The following PLA2G5 variants were observed in gnomAD, a reference collection of about 807,000 sequenced individuals.
The protein encoded by PLA2G5 is phospholipase A2 group V, also known as Ca2+-dependent phospholipase A2.
A neutral mutation model predicts 15.9 loss-of-function variants in PLA2G5; 12 were observed. That is an observed-to-expected ratio of 0.76 (90% confidence interval 0.48 to 1.23). The LOEUF (loss-of-function observed/expected upper bound fraction) is 1.23. Ranked by LOEUF, PLA2G5 falls within the 50% of genes most tolerant of loss-of-function variation. The pLI is 0.00. For synonymous variants in PLA2G5, 71 were observed against 71.4 expected, an observed-to-expected ratio of 0.99 and a Z score of 0.03; for missense variants, 169 against 177.1, an observed-to-expected ratio of 0.95 and a Z score of 0.26.
At chr1:20,031,534 A>G (rs1479648625) in intron 1 of PLA2G5, among the ~76,000 whole-genome samples, 2 of 152,126 alleles carry the variant, frequency 1.3e-5, no homozygotes, top group African/African-American at 4.8e-5. Flanking sequence ...ATCTGAAACA[A>G]TGTACCAGAT....
intron 1 of PLA2G5, among the ~76,000 whole-genome samples, chr1:20,029,980 G>C (rs958814896): frequency 2.0e-5 from 3 of 152,210 alleles, no homozygotes; most frequent in African/African-American, 7.2e-5. Context: ...TTGAATCCTG[G>C]ATAAAGTTTT....
intron 1 of PLA2G5, among the ~76,000 whole-genome samples, chr1:20,039,003 A>G (rs1221417899): frequency 6.6e-6 from 1 of 152,134 alleles, no homozygotes; most frequent in African/African-American, 2.4e-5. Context: ...TGTGGGTTCC[A>G]GGTGTAGGTG....
chr1:20,042,372 C>T lies in PLA2G5; in HGVS notation n.276+13663C>T, dbSNP rs112118427. ...GTCAGGTGGATCAGAGAGATACAGC[C>T]GTGGGGGTCAGGTGTGGTATTAGGA... On this transcript the variant is annotated intron_variant and non_coding_transcript_variant, in intron 1 of 6. Transcript: ENST00000460175. Among the ~76,000 whole-genome samples, 1,380 of 152,112 alleles carry T rather than the reference C, an allele frequency of 9.1e-3. 9 individuals carry two copies. The highest frequency in any genetic ancestry group is 0.015 in the Non-Finnish European group (995 of 67,980).
At chr1:20,044,938 A>G (rs1774141) in intron 1 of PLA2G5, among the ~76,000 whole-genome samples, 128,922 of 151,916 alleles carry the variant, frequency 0.85, 55,125 homozygotes, top group East Asian at 0.93. Context: ...GGGATGGGTC[A>G]CATTGGGAAC....
rs11573220 is a variant in PLA2G5 at position 20,076,568 on chromosome 1, G to A, written c.-11+6103G>A. On this transcript the variant is annotated intron_variant, in intron 1 of 4. Coordinates refer to ENST00000375108, the MANE Select transcript of PLA2G5 (RefSeq NM_000929.3). Reference sequence around the variant, plus strand: ...TACTAACTGTGTGACCTTGGATGAGGTACCTAACATCTGCCCCTCTGTTTC... The same window carrying A: ...TACTAACTGTGTGACCTTGGATGAGATACCTAACATCTGCCCCTCTGTTTC... 2.4e-3 allele frequency among the ~76,000 whole-genome samples: 349 copies of A among 144,128 alleles called. 2 individuals carry two copies. The highest frequency in any genetic ancestry group is 8.5e-3 in the African/African-American group (329 of 38,872). The allele number at this position is 144,128 out of a possible 152,430, so 94.6% of individuals were successfully genotyped here.
chr1:20,049,295 A>G (rs1056156124), intron 1 of PLA2G5, among the ~76,000 whole-genome samples: 8 of 152,282 alleles, frequency 5.3e-5, no homozygotes, highest in Middle Eastern at 3.4e-3. Flanking sequence ...TTACACGATC[A>G]AGTTGTCTAT....
In PLA2G5 at chr1:20,083,638, A is replaced by T. The variant is rs553324952; in HGVS notation, c.-10-1183A>T. On this transcript the variant is annotated intron_variant, in intron 1 of 4. Coordinates refer to ENST00000375108, the MANE Select transcript of PLA2G5 (RefSeq NM_000929.3). Reference sequence around the variant, plus strand: ...CAATGGCTGTTTTTACCAAAGACAGATTCTAAGGAGTGAAGCCAAGGGCTC... The same window carrying T: ...CAATGGCTGTTTTTACCAAAGACAGTTTCTAAGGAGTGAAGCCAAGGGCTC... Among the ~76,000 whole-genome samples the T allele has an allele frequency of 3.4e-4, 52 of 152,040 alleles. 5 individuals carry two copies. The highest frequency in any genetic ancestry group is 1.2e-3 in the African/African-American group (49 of 41,288).
Position 20,086,066 on chromosome 1 carries a change from C to T in PLA2G5, c.41-17C>T, listed in dbSNP as rs764749671. The T allele has an allele frequency of 4.3e-6, 7 of 1,613,580 alleles. No individual in the cohort carries two copies. In the East Asian group the frequency reaches 1.3e-4, roughly 31 times the overall value. ...GGGCTGCCTGGGTGTCACCTGGGGACATGGGCTATCTTCCAGGTGTGCCTG... is the reference window on the plus strand; with the variant it reads ...GGGCTGCCTGGGTGTCACCTGGGGATATGGGCTATCTTCCAGGTGTGCCTG... On this transcript the variant is annotated splice_polypyrimidine_tract_variant and intron_variant, in intron 2 of 4. Transcript: ENST00000375108.
chr1:20,031,442 T>A (rs1569606945), intron 1 of PLA2G5, among the ~76,000 whole-genome samples: 1 of 152,238 alleles, frequency 6.6e-6, no homozygotes, highest in Non-Finnish European at 1.5e-5. Flanking sequence ...TTTTGGAAGA[T>A]ACCCTGCAGC....
At chr1:20,044,367 T>C (rs1774142) in intron 1 of PLA2G5, among the ~76,000 whole-genome samples, 67,122 of 141,866 alleles carry the variant, frequency 0.47, 16,012 homozygotes, top group Non-Finnish European at 0.59. Flanking sequence ...TAATTCCTGT[T>C]GTGGGGGGGG....
intron 1 of PLA2G5, among the ~76,000 whole-genome samples, chr1:20,049,437 A>AT (rs34773708): frequency 0.11 from 16,900 of 152,004 alleles, 1,669 homozygotes; most frequent in African/African-American, 0.27. Context: ...AGAGCTTTTA[A>AT]TTTTTTTTAA....
intron 1 of PLA2G5, among the ~76,000 whole-genome samples, chr1:20,081,769 T>C (rs2016041957): frequency 1.3e-5 from 2 of 151,826 alleles, no homozygotes; most frequent in African/African-American, 4.9e-5. Flanking sequence ...AGGTCTTGCC[T>C]CCTCAGAAGA....
intron 1 of PLA2G5, among the ~76,000 whole-genome samples, chr1:20,074,286 C>T (rs909692466): frequency 6.6e-6 from 1 of 152,152 alleles, no homozygotes; most frequent in Admixed American, 6.5e-5. Context: ...CTGGTCATTG[C>T]TCTTGTAACA....
At chr1:20,037,738 A>C (rs1057432383) in intron 1 of PLA2G5, among the ~76,000 whole-genome samples, 6 of 151,972 alleles carry the variant, frequency 3.9e-5, no homozygotes, top group African/African-American at 1.5e-4. Flanking sequence ...AGTATGGGGG[A>C]ATACAAGTTT....
Position 20,084,887 on chromosome 1 carries a change from T to C in PLA2G5, c.40+17T>C. ...TGGCTTGTAGTAAGTGCTGGCCCCG[T>C]GACCTTCGAATGAACTTTTACCCCA... On this transcript the variant is annotated intron_variant, in intron 2 of 4. Coordinates refer to ENST00000375108, the MANE Select transcript of PLA2G5 (RefSeq NM_000929.3). 2 of 1,585,222 alleles carry C rather than the reference T, an allele frequency of 1.3e-6. No individual in the cohort carries two copies. Among genetic ancestry groups the C allele is most frequent in the African/African-American group, 1.3e-5 (1 of 74,538 alleles).
intron 3 of PLA2G5, among the ~76,000 whole-genome samples, chr1:20,089,302 A>G (rs547483646): frequency 5.9e-5 from 9 of 152,274 alleles, no homozygotes; most frequent in Admixed American, 5.9e-4. Flanking sequence ...GTGATACGAG[A>G]AGTTTATTTC....
intron 2 of PLA2G5, among the ~76,000 whole-genome samples, chr1:20,063,167 C>A (rs1182220048): frequency 2.6e-5 from 4 of 152,056 alleles, no homozygotes; most frequent in Non-Finnish European, 5.9e-5. Context: ...TACTCTAGCC[C>A]AGGCAACAGA....
intron 1 of PLA2G5, among the ~76,000 whole-genome samples, chr1:20,031,344 A>G (rs2012925452): frequency 1.3e-5 from 2 of 152,190 alleles, no homozygotes; most frequent in South Asian, 4.1e-4. Flanking sequence ...TATGAAGTTG[A>G]CAAAGGGGGC....
At chr1:20,040,603 CACAA>C (rs1323320038) in intron 1 of PLA2G5, among the ~76,000 whole-genome samples, 1 of 144,466 alleles carries the variant, frequency 6.9e-6, no homozygotes, top group Non-Finnish European at 1.6e-5. Context: ...CACACACACA[CACAA>C]ACACTCACAC....
Sources: gnomAD v4.1 joint callset for allele counts (sites outside exome capture counted in the v4.1 genomes callset) on GRCh38, gnomAD v4.1.1 for gene constraint, MANE v1.5 for transcripts, NCBI Gene and HGNC (gene_info 2026-07-23, HGNC 2026-07-21) for gene names.